The following RAMP3 variants were observed in gnomAD, a reference collection of about 807,000 sequenced individuals.
The protein encoded by RAMP3 is receptor activity-modifying protein 3.
RAMP3 carries 14 observed loss-of-function variants against 13.5 expected under a neutral mutation model. The ratio of observed to expected loss-of-function variants is 1.04; its 90% CI spans 0.69 to 1.63. The LOEUF is 1.63. RAMP3 is among the 40% of genes most tolerant of loss of function. RAMP3 has a pLI of 0.00. For synonymous variants in RAMP3, 106 were observed against 88.3 expected, an observed-to-expected ratio of 1.20 and a Z score of -1.12; for missense variants, 200 against 204.8, an observed-to-expected ratio of 0.98 and a Z score of 0.14.
intron 2 of RAMP3, among the ~76,000 whole-genome samples, chr7:45,179,463 C>T (rs937518317): frequency 7.2e-5 from 11 of 151,942 alleles, no homozygotes; most frequent in African/African-American, 2.7e-4. Flanking sequence ...GGGCCATGCA[C>T]CAAGAAGAAA....
intron 1 of RAMP3, among the ~76,000 whole-genome samples, chr7:45,168,777 C>G (rs909418938): frequency 6.6e-6 from 1 of 152,160 alleles, no homozygotes; most frequent in Non-Finnish European, 1.5e-5. Context: ...TCACTTCTTG[C>G]TTAATTGCTC....
intron 2 of RAMP3, among the ~76,000 whole-genome samples, chr7:45,181,554 C>T (rs774425321): frequency 3.9e-5 from 6 of 152,280 alleles, no homozygotes; most frequent in South Asian, 2.1e-4. Context: ...CAGAGGTTAC[C>T]GCATGTGATT....
chr7:45,183,500 C>G lies in RAMP3; in HGVS notation c.*88C>G, dbSNP rs369966423. On this transcript the variant is annotated 3_prime_UTR_variant, in exon 3 of 3. Transcript: ENST00000242249. ...GAGAGCGGGTGGGTGCTGCCAATCT[C>G]CAGCTACTGTGGCCACACCCCACCT... The G allele has an allele frequency of 2.6e-6, 4 of 1,550,568 alleles. No homozygotes were observed. Among genetic ancestry groups the G allele is most frequent in the East Asian group, 4.5e-5 (2 of 44,418 alleles).
intron 2 of RAMP3, among the ~76,000 whole-genome samples, chr7:45,182,090 G>A (rs1786328465): frequency 6.6e-6 from 1 of 152,208 alleles, no homozygotes; most frequent in Non-Finnish European, 1.5e-5. Context: ...CCCAGATGAT[G>A]TTCCATGCAG....
chr7:45,162,992 A>G (rs1785892747), intron 1 of RAMP3, among the ~76,000 whole-genome samples: 1 of 152,182 alleles, frequency 6.6e-6, no homozygotes, highest in Non-Finnish European at 1.5e-5. Context: ...GCTGGACTGG[A>G]ATCTACATTG....
intron 2 of RAMP3, among the ~76,000 whole-genome samples, chr7:45,182,717 C>T (rs1786340185): frequency 6.6e-6 from 1 of 152,186 alleles, no homozygotes; most frequent in Non-Finnish European, 1.5e-5. Context: ...TAGGAGGTGG[C>T]TGGCCCCTGG....
rs748542069 is a variant in RAMP3 at position 45,183,281 on chromosome 7, G to T, written c.316G>T (p.Val106Leu). 1 of 1,613,920 alleles carries T rather than the reference G, an allele frequency of 6.2e-7. No individual in the cohort carries two copies. The highest frequency in any genetic ancestry group is 8.5e-7 in the Non-Finnish European group (1 of 1,180,052). ...IHRQFFSNCTVDRVHLEDPPD... is the reference protein window; with the variant it reads ...IHRQFFSNCTLDRVHLEDPPD... ...CAGGCAGTTCTTCTCCAACTGCACC[G>T]TGGACAGGGTCCACTTGGAGGACCC... The change falls in exon 3 of 3, where the codon GTG becomes TTG. Residue 106 changes from valine (V) to leucine (L), a missense_variant. By Grantham distance (32) the Val-to-Leu change is conservative. Coordinates refer to ENST00000242249, the MANE Select transcript of RAMP3 (RefSeq NM_005856.3).
At chr7:45,180,611 G>A (rs1016826466) in intron 2 of RAMP3, among the ~76,000 whole-genome samples, 3 of 152,204 alleles carry the variant, frequency 2.0e-5, no homozygotes, top group Admixed American at 1.3e-4. Context: ...AGCAGCAATG[G>A]GCTCCTTCTG....
intron 2 of RAMP3, among the ~76,000 whole-genome samples, chr7:45,181,314 A>C (rs961807059): frequency 6.6e-6 from 1 of 152,180 alleles, no homozygotes; most frequent in African/African-American, 2.4e-5. Context: ...GGGCTTCTCC[A>C]TGTGGCCTAG....
At chr7:45,174,544 G>C (rs1226932873) in intron 1 of RAMP3, among the ~76,000 whole-genome samples, 2 of 152,192 alleles carry the variant, frequency 1.3e-5, no homozygotes, top group African/African-American at 2.4e-5. Context: ...GATGGGGCCT[G>C]TGCATTTTTT....
At chr7:45,166,635 C>T (rs537796548) in intron 1 of RAMP3, among the ~76,000 whole-genome samples, 22 of 152,114 alleles carry the variant, frequency 1.4e-4, no homozygotes, top group African/African-American at 4.8e-4. Flanking sequence ...TGATGCTATC[C>T]TTTGAAGTAC....
chr7:45,183,076 A>G (rs1786349757), intron 2 of RAMP3, 81 bp from the exon 3 acceptor site: 2 of 1,568,130 alleles, frequency 1.3e-6, no homozygotes, highest in African/African-American at 2.7e-5. Flanking sequence ...AAGCCACCCC[A>G]CCCATCTTCC....
intron 1 of RAMP3, 124 bp downstream of exon 1, chr7:45,158,010 C>A (rs1221218124): frequency 3.2e-6 from 3 of 948,996 alleles, no homozygotes; most frequent in East Asian, 6.6e-5. Context: ...TCGGGAGGGG[C>A]GCACAGTGAC....
At chr7:45,172,891 G>A (rs1446511209) in intron 1 of RAMP3, among the ~76,000 whole-genome samples, 1 of 152,116 alleles carries the variant, frequency 6.6e-6, no homozygotes, top group African/African-American at 2.4e-5. Context: ...TGTGAATTTG[G>A]GCTGTGAATC....
Position 45,183,546 on chromosome 7 carries a change from C to A in RAMP3, c.*134C>A. On this transcript the variant is annotated 3_prime_UTR_variant, in exon 3 of 3. Coordinates refer to ENST00000242249, the MANE Select transcript of RAMP3 (RefSeq NM_005856.3). ...CACCTGGTCATGGGCAGACCCCTCC[C>A]TTCCTGGGCTGACCTGCTCCCTCGA... 7.5e-7 allele frequency: 1 copy of A among 1,330,612 alleles called. No homozygotes were observed. The highest frequency in any genetic ancestry group is 1.3e-5 in the South Asian group (1 of 75,404). The allele number at this position is 1,330,612 out of a possible 1,614,324, so 82.4% of individuals were successfully genotyped here. A position where few individuals can be genotyped will look rare whatever the true frequency, so the allele number is the denominator to read the frequency against.
At chr7:45,170,868 G>A (rs1250836302) in intron 1 of RAMP3, among the ~76,000 whole-genome samples, 1 of 151,510 alleles carries the variant, frequency 6.6e-6, no homozygotes, top group Non-Finnish European at 1.5e-5. Context: ...AGGCTGGTCA[G>A]GAACTCCCAG....
Position 45,157,802 on chromosome 7 carries a change from G to A in RAMP3, c.-27G>A, listed in dbSNP as rs1785785774. ...CCAGCCGCGCCCCCAGCGGGACCGA[G>A]CGTGACCCAGCTGCGGCCGGCCAGC... On this transcript the variant is annotated 5_prime_UTR_variant, in exon 1 of 3. Transcript: ENST00000242249. 1 of 1,309,362 alleles carries A rather than the reference G, an allele frequency of 7.6e-7. No individual in the cohort carries two copies. The highest frequency in any genetic ancestry group is 1.5e-5 in the South Asian group (1 of 68,304). 81.1% of individuals were successfully genotyped at this position (1,309,362 alleles called of 1,614,324 possible). A position where few individuals can be genotyped will look rare whatever the true frequency, so the allele number is the denominator to read the frequency against.
At chr7:45,175,383 TG>T (rs1265909162) in intron 1 of RAMP3, among the ~76,000 whole-genome samples, 3 of 152,186 alleles carry the variant, frequency 2.0e-5, no homozygotes, top group Admixed American at 6.5e-5. Flanking sequence ...CAGGGTTCTC[TG>T]GGGCCTCAAG....
intron 1 of RAMP3, among the ~76,000 whole-genome samples, chr7:45,167,558 CTT>C (rs373727786): frequency 9.2e-4 from 128 of 139,442 alleles, no homozygotes; most frequent in South Asian, 3.4e-3. Flanking sequence ...CAACTTTGTT[CTT>C]TTTTTTTTTT....
Sources: gnomAD v4.1 joint callset for allele counts (sites outside exome capture counted in the v4.1 genomes callset) on GRCh38, gnomAD v4.1.1 for gene constraint, MANE v1.5 for transcripts, NCBI Gene and HGNC (gene_info 2026-07-23, HGNC 2026-07-21) for gene names.